The following COPS2 variants were observed in gnomAD, a reference collection of about 807,000 sequenced individuals.
COPS2 encodes COP9 signalosome subunit 2.
Under a neutral mutation model 66.1 loss-of-function variants are expected in COPS2, and 10 were observed. The observed-to-expected ratio is 0.15, with a 90% CI of 0.09 to 0.26. The LOEUF (loss-of-function observed/expected upper bound fraction) is 0.26, where lower values mean the gene tolerates loss of function less well. Ranked by LOEUF, COPS2 falls within the 10% of genes least tolerant of loss-of-function variation. The pLI is 1.00. For missense variants in COPS2, 215 were observed against 513.3 expected (o/e 0.42, Z 5.62); for synonymous variants, 179 against 171.3 (o/e 1.04, Z -0.35).
At chr15:49,132,571 CA>C (rs748471326) in intron 9 of COPS2, among the ~76,000 whole-genome samples, 5,873 of 59,920 alleles carry the variant, frequency 0.098, 63 homozygotes, top group East Asian at 0.21. Flanking sequence ...CATATATCTG[CA>C]AAAAAAAAAA....
chr15:49,142,977 T>C (rs1328549149), intron 3 of COPS2, among the ~76,000 whole-genome samples: 4 of 152,054 alleles, frequency 2.6e-5, no homozygotes, highest in Non-Finnish European at 1.5e-5. Context: ...TGGTGACATA[T>C]GCAAAGAAAA....
At chr15:49,143,447 G>A (rs1437872195) in intron 3 of COPS2, among the ~76,000 whole-genome samples, 1 of 152,178 alleles carries the variant, frequency 6.6e-6, no homozygotes, top group Non-Finnish European at 1.5e-5. Flanking sequence ...CAATAATCCA[G>A]GTAAGAAATC....
At chr15:49,143,098 TGAA>T (rs1251969270) in intron 3 of COPS2, among the ~76,000 whole-genome samples, 1 of 151,990 alleles carries the variant, frequency 6.6e-6, no homozygotes, top group Admixed American at 6.6e-5. Flanking sequence ...CTGAATCAAA[TGAA>T]GAAAAAATCC....
rs79534199 is a variant in COPS2 at position 49,128,996 on chromosome 15, C to T, written c.1129-236G>A. Among the ~76,000 whole-genome samples, 21 of 152,142 alleles carry T rather than the reference C, an allele frequency of 1.4e-4. No homozygotes were observed. The East Asian group carries it at 3.9e-3, about 28-fold the overall frequency. On this transcript the variant is annotated intron_variant, in intron 11 of 12. Coordinates refer to ENST00000388901, the MANE Select transcript of COPS2 (RefSeq NM_004236.4). ...ACAATTTTATTGTGGTTGAAGTTAA[C>T]CCTTCATCAATTACATATTTTAGCC...
intron 9 of COPS2, among the ~76,000 whole-genome samples, chr15:49,133,081 C>T (rs565776256): frequency 5.8e-4 from 88 of 151,878 alleles, no homozygotes; most frequent in African/African-American, 2.0e-3. Flanking sequence ...CTCTGCCTCC[C>T]GGGTTCATGC....
At chr15:49,131,515 C>T (rs1392102620) in intron 9 of COPS2, among the ~76,000 whole-genome samples, 1 of 151,742 alleles carries the variant, frequency 6.6e-6, no homozygotes, top group East Asian at 1.9e-4. Context: ...GCACCATTGT[C>T]TGCTTTATAC....
chr15:49,130,470 G>C (rs1409595874), intron 10 of COPS2, among the ~76,000 whole-genome samples: 1 of 151,836 alleles, frequency 6.6e-6, no homozygotes, highest in African/African-American at 2.4e-5. Context: ...TTTTTAAAAA[G>C]GGACAGTTAC....
At chr15:49,155,478 A>G in intron 1 of COPS2, 47 bp downstream of exon 1, 1 of 1,602,432 alleles carries the variant, frequency 6.2e-7, no homozygotes, top group Admixed American at 1.7e-5. Flanking sequence ...CGGACCCCGA[A>G]AACAAGACAC....
At chr15:49,155,208 G>A (rs2084412977) in intron 1 of COPS2, among the ~76,000 whole-genome samples, 2 of 152,266 alleles carry the variant, frequency 1.3e-5, no homozygotes, top group Non-Finnish European at 2.9e-5. Flanking sequence ...GAGGCGGCTA[G>A]CGCGGTGGGG....
intron 3 of COPS2, among the ~76,000 whole-genome samples, chr15:49,143,411 T>G (rs534166193): frequency 6.6e-6 from 1 of 152,232 alleles, no homozygotes; most frequent in South Asian, 2.1e-4. Flanking sequence ...AGGATGAAAG[T>G]AAGGAGACCA....
In COPS2 at chr15:49,124,890, G is replaced by C. The variant is rs1455889024; in HGVS notation, c.*3060C>G. ...AAAAGAGGTAAAGGGAATCCACTAG[G>C]CAAATAATTTTTTGTCTTATGGACT... On this transcript the variant is annotated 3_prime_UTR_variant, in exon 13 of 13. Transcript: ENST00000388901. 1 of 152,076 alleles carries C rather than the reference G, an allele frequency of 6.6e-6. No individual in the cohort carries two copies. Among genetic ancestry groups the C allele is most frequent in the Admixed American group, 6.6e-5 (1 of 15,264 alleles). The allele number at this position is 152,076 out of a possible 1,614,324, so 9.4% of individuals were successfully genotyped here. A position where few individuals can be genotyped will look rare whatever the true frequency, so the allele number is the denominator to read the frequency against.
chr15:49,134,515 C>A lies in COPS2; in HGVS notation c.541-1G>T. 6.2e-7 allele frequency: 1 copy of A among 1,601,916 alleles called. No individual in the cohort carries two copies. The highest frequency in any genetic ancestry group is 1.1e-5 in the South Asian group (1 of 89,408). On this transcript the variant is annotated splice_acceptor_variant, in intron 6 of 12. Coordinates refer to ENST00000388901, the MANE Select transcript of COPS2 (RefSeq NM_004236.4). LOFTEE classifies it high-confidence loss of function. The stretch of plus-strand genomic sequence containing the variant: ...TCAGATCATCTTCTCCATCATCAGT[C>A]TAGGAAAGCAAATATTTAACTTTAG...
At chr15:49,148,873 T>C (rs2141133322) in intron 1 of COPS2, among the ~76,000 whole-genome samples, 1 of 152,312 alleles carries the variant, frequency 6.6e-6, no homozygotes. Context: ...CCATAATGAC[T>C]ATCAAAGGCT....
At chr15:49,152,995 T>C (rs1238824671) in intron 1 of COPS2, among the ~76,000 whole-genome samples, 1 of 152,232 alleles carries the variant, frequency 6.6e-6, no homozygotes, top group Non-Finnish European at 1.5e-5. Context: ...CTGCTATTGC[T>C]ACATTACATT....
At chr15:49,144,613 T>C (rs2141130849) in intron 2 of COPS2, among the ~76,000 whole-genome samples, 1 of 152,302 alleles carries the variant, frequency 6.6e-6, no homozygotes, top group East Asian at 1.9e-4. Context: ...TCCGTAAGTG[T>C]ATCAGTAAGT....
At chr15:49,151,801 GTTTC>G (rs759023520) in intron 1 of COPS2, among the ~76,000 whole-genome samples, 157 of 143,970 alleles carry the variant, frequency 1.1e-3, no homozygotes, top group Non-Finnish European at 2.1e-3. Context: ...TTTTATATTC[GTTTC>G]TTTTTTTTTT....
intron 4 of COPS2, among the ~76,000 whole-genome samples, chr15:49,138,211 GC>G (rs2084267045): frequency 1.3e-5 from 2 of 151,978 alleles, no homozygotes; most frequent in Non-Finnish European, 2.9e-5. Flanking sequence ...AAGTTCCCCT[GC>G]CCACCCTCTT....
intron 9 of COPS2, among the ~76,000 whole-genome samples, chr15:49,131,535 TATC>T (rs770180750): frequency 6.6e-6 from 1 of 151,906 alleles, no homozygotes; most frequent in South Asian, 2.1e-4. Flanking sequence ...CGTAAGACAT[TATC>T]ATCAGCTATA....
rs987395676 is a variant in COPS2 at position 49,124,595 on chromosome 15, T to C, written c.*3355A>G. On this transcript the variant is annotated 3_prime_UTR_variant, in exon 13 of 13. Transcript: ENST00000388901. ...ACTCCATCTCTTGTTCTGGATAGTG[T>C]TCTTAAACACTTTGATACAAAATAG... 6 of 152,204 alleles carry C rather than the reference T, an allele frequency of 3.9e-5. No homozygotes were observed. Among genetic ancestry groups the C allele is most frequent in the African/African-American group, 1.4e-4 (6 of 41,456 alleles). The allele number at this position is 152,204 out of a possible 1,614,324, so 9.4% of individuals were successfully genotyped here.
Sources: allele counts gnomAD v4.1 joint callset (sites outside exome capture counted in the v4.1 genomes callset), GRCh38; gene constraint gnomAD v4.1.1; transcripts MANE v1.5; gene names NCBI Gene and HGNC (gene_info 2026-07-23, HGNC 2026-07-21).